Variants in CXADR observed in about 807,000 individuals in gnomAD.
CXADR encodes the protein CXADR cell adhesion molecule.
Under a neutral mutation model 40.3 loss-of-function variants are expected in CXADR, and 20 were observed. That is an observed-to-expected ratio of 0.50 (90% confidence interval 0.35 to 0.72). The LOEUF (loss-of-function observed/expected upper bound fraction) is 0.72, where lower values mean the gene tolerates loss of function less well. Among genes scored for constraint, CXADR ranks in the 30% least tolerant of loss-of-function variants. CXADR has a pLI of 0.01. For missense variants in CXADR, 332 were observed against 449.1 expected, an observed-to-expected ratio of 0.74 and a Z score of 2.36; for synonymous variants, 150 against 161.3, an observed-to-expected ratio of 0.93 and a Z score of 0.53.
intron 1 of CXADR, among the ~76,000 whole-genome samples, chr21:17,524,318 G>A (rs1203270767): frequency 6.6e-6 from 1 of 151,272 alleles, no homozygotes; most frequent in Non-Finnish European, 1.5e-5. Context: ...TCCAGCACTT[G>A]TGGGAGGCCG....
At chr21:17,596,490 GTTT>G (rs1482546625), downstream of CXADR, among the ~76,000 whole-genome samples, 1 of 151,580 alleles carries the variant, frequency 6.6e-6, no homozygotes, top group Non-Finnish European at 1.5e-5. Context: ...AGTTAGGTTC[GTTT>G]TTTTTCCTAC....
chr21:17,622,546 A>AT, the CXADR span, among the ~76,000 whole-genome samples: 69,748 of 151,738 alleles, frequency 0.46, 16,702 homozygotes, highest in African/African-American at 0.58. Context: ...ATGACAGAAC[A>AT]TTTTTGTCAG....
chr21:17,597,736 T>A (rs936235467), downstream of CXADR, among the ~76,000 whole-genome samples: 12 of 198 alleles, frequency 0.061, no homozygotes, highest in Admixed American at 0.18. Context: ...GAGAAAAAAA[T>A]GAGAAAACCA....
the CXADR span, among the ~76,000 whole-genome samples, chr21:17,606,218 A>G: frequency 2.0e-5 from 3 of 152,114 alleles, no homozygotes; most frequent in African/African-American, 7.2e-5. Context: ...TTTCCTCAGC[A>G]TAAAGAAAAA....
At chr21:17,526,286 T>C (rs958723061) in intron 1 of CXADR, among the ~76,000 whole-genome samples, 2 of 152,186 alleles carry the variant, frequency 1.3e-5, no homozygotes, top group Non-Finnish European at 2.9e-5. Flanking sequence ...AGATTTTACT[T>C]CTAAAATCGT....
At chr21:17,634,418 G>A in the CXADR span, among the ~76,000 whole-genome samples, 1 of 152,114 alleles carries the variant, frequency 6.6e-6, no homozygotes, top group African/African-American at 2.4e-5. Flanking sequence ...GCCTAAACAG[G>A]GCTCTTTTCG....
At chr21:17,625,351 A>G in the CXADR span, among the ~76,000 whole-genome samples, 2 of 152,182 alleles carry the variant, frequency 1.3e-5, no homozygotes, top group Non-Finnish European at 2.9e-5. Flanking sequence ...TGCAGATTTC[A>G]AAATACATAG....
the CXADR span, among the ~76,000 whole-genome samples, chr21:17,628,649 C>T: frequency 1.8e-4 from 27 of 152,272 alleles, no homozygotes; most frequent in Middle Eastern, 6.8e-3. Flanking sequence ...TACAGGCGCA[C>T]GCCACCACGC....
intron 1 of CXADR, among the ~76,000 whole-genome samples, chr21:17,537,795 C>T (rs962955989): frequency 1.3e-5 from 2 of 152,032 alleles, no homozygotes; most frequent in African/African-American, 4.8e-5. Context: ...TCAAGAACAG[C>T]ATGAGCTTTG....
intron 1 of CXADR, among the ~76,000 whole-genome samples, chr21:17,532,595 AT>A (rs948416592): frequency 6.6e-6 from 1 of 151,952 alleles, no homozygotes; most frequent in African/African-American, 2.4e-5. Flanking sequence ...TTTCAGTGTC[AT>A]TTTTTTTACA....
At chr21:17,575,043 ACATACAT>A (rs1325233219), downstream of CXADR, among the ~76,000 whole-genome samples, 4 of 146,176 alleles carry the variant, frequency 2.7e-5, no homozygotes, top group Admixed American at 1.3e-4. Context: ...ATACATACAT[ACATACAT>A]AAGGGTTGAT....
chr21:17,622,781 C>T, the CXADR span, among the ~76,000 whole-genome samples: 1 of 152,098 alleles, frequency 6.6e-6, no homozygotes, highest in East Asian at 1.9e-4. Flanking sequence ...AGCTGAAGAA[C>T]GAATAGGAGA....
chr21:17,542,326 A>G (rs2060840339), intron 1 of CXADR, among the ~76,000 whole-genome samples: 1 of 152,234 alleles, frequency 6.6e-6, no homozygotes, highest in Non-Finnish European at 1.5e-5. Context: ...GCATGTTATC[A>G]GTTCATAACA....
chr21:17,513,420 G>C (rs2060417665), intron 1 of CXADR, among the ~76,000 whole-genome samples: 1 of 151,982 alleles, frequency 6.6e-6, no homozygotes, highest in Admixed American at 6.5e-5. Flanking sequence ...GCGGGGGGTG[G>C]AGGCGGAGGG....
rs1569139744 is a variant in CXADR, at chr21:17,567,307, G to A, written c.*1615G>A. The A allele has an allele frequency of 4.1e-6, 4 of 985,168 alleles. No homozygotes were observed. The highest frequency in any genetic ancestry group is 6.1e-5 in the Admixed American group (1 of 16,262). The allele number at this position is 985,168 out of a possible 1,614,324, so 61.0% of individuals were successfully genotyped here. A position where few individuals can be genotyped will look rare whatever the true frequency, so the allele number is the denominator to read the frequency against. On this transcript the variant is annotated 3_prime_UTR_variant, in exon 7 of 7. Coordinates refer to ENST00000284878, the MANE Select transcript of CXADR (RefSeq NM_001338.5). ...TTAATGGTAAACTTAAGCTGAATGT[G>A]TAATGGATTTGTGTATAGTTTTACA... is the stretch of plus-strand genomic sequence containing the variant.
At chr21:17,598,763 CCTTGTTCTCATCTTT>C in the CXADR span, 1 of 1,613,994 alleles carries the variant, frequency 6.2e-7, no homozygotes, top group East Asian at 2.2e-5. Context: ...GAGATCTCAT[CCTTGTTCTCATCTTT>C]ATTTTCAAAG....
the CXADR span, chr21:17,604,136 G>A: frequency 3.1e-6 from 4 of 1,285,540 alleles, no homozygotes; most frequent in African/African-American, 1.6e-5. Flanking sequence ...GTATCACTCA[G>A]TCACTTACAT....
the CXADR span, among the ~76,000 whole-genome samples, chr21:17,604,565 G>A: frequency 1.3e-5 from 2 of 152,274 alleles, no homozygotes; most frequent in Non-Finnish European, 2.9e-5. Context: ...ACCAATTAAA[G>A]ATAATAGACA....
downstream of CXADR, chr21:17,570,205 G>A (rs948389270): frequency 3.1e-5 from 30 of 982,980 alleles, no homozygotes; most frequent in South Asian, 1.4e-4. Flanking sequence ...CCTTCCCCCC[G>A]TGTATCCTCT....
Sources: gnomAD v4.1 joint callset for allele counts (sites outside exome capture counted in the v4.1 genomes callset) on GRCh38, gnomAD v4.1.1 for gene constraint, MANE v1.5 for transcripts, NCBI Gene and HGNC (gene_info 2026-07-23, HGNC 2026-07-21) for gene names.